The following KIAA1217 variants were observed in gnomAD, a reference collection of about 807,000 sequenced individuals.
KIAA1217 encodes the protein sickle tail protein homolog.
In KIAA1217, 88 loss-of-function variants were observed where a neutral mutation model predicts 163.9. That is an observed-to-expected ratio of 0.54 (90% confidence interval 0.45 to 0.64). KIAA1217 has a LOEUF of 0.64. Ranked by LOEUF, KIAA1217 falls within the 30% of genes least tolerant of loss-of-function variation. The pLI, the probability that KIAA1217 is intolerant of heterozygous loss-of-function variation, is 0.00. For missense variants in KIAA1217, 2,372 were observed against 2,475.0 expected (o/e 0.96, Z 0.88); for synonymous variants, 903 against 923.1 (o/e 0.98, Z 0.39).
At chr10:23,775,969 C>T (rs965544586) in intron 1 of KIAA1217, among the ~76,000 whole-genome samples, 1 of 152,102 alleles carries the variant, frequency 6.6e-6, no homozygotes, top group Admixed American at 6.5e-5. Flanking sequence ...ATCCCATAAA[C>T]GTATCAGATA....
intron 2 of KIAA1217, among the ~76,000 whole-genome samples, chr10:24,057,568 T>C (rs372230572): frequency 6.6e-6 from 1 of 152,234 alleles, no homozygotes; most frequent in African/African-American, 2.4e-5. Flanking sequence ...CATAATGTCC[T>C]CAAGTTTCAT....
intron 2 of KIAA1217, among the ~76,000 whole-genome samples, chr10:24,119,683 G>A (rs1589569644): frequency 6.6e-6 from 1 of 152,066 alleles, no homozygotes; most frequent in Non-Finnish European, 1.5e-5. Context: ...TCCCTTAGGG[G>A]CTCCTAACAT....
At chr10:23,851,857 G>A (rs1272210035) in intron 1 of KIAA1217, among the ~76,000 whole-genome samples, 2 of 151,420 alleles carry the variant, frequency 1.3e-5, no homozygotes, top group African/African-American at 2.4e-5. Context: ...TTTTGATGGG[G>A]TTGTTTGTTT....
chr10:23,877,790 C>A (rs1396505570), intron 1 of KIAA1217, among the ~76,000 whole-genome samples: 5 of 151,946 alleles, frequency 3.3e-5, no homozygotes, highest in African/African-American at 1.2e-4. Flanking sequence ...AGTTGGCTAG[C>A]ATCTGTTTTG....
intron 2 of KIAA1217, among the ~76,000 whole-genome samples, chr10:24,307,853 C>T (rs1192005899): frequency 2.0e-5 from 3 of 152,134 alleles, no homozygotes; most frequent in East Asian, 1.9e-4. Context: ...AGCAGGCATG[C>T]CATTCATTGT....
intron 3 of KIAA1217, among the ~76,000 whole-genome samples, chr10:24,393,926 C>G (rs1015988568): frequency 1.3e-5 from 2 of 152,190 alleles, no homozygotes; most frequent in Non-Finnish European, 2.9e-5. Flanking sequence ...CTTCTTTCGT[C>G]CTGTCTCCTT....
chr10:23,875,593 A>G (rs1840651499), intron 1 of KIAA1217, among the ~76,000 whole-genome samples: 3 of 152,058 alleles, frequency 2.0e-5, no homozygotes, highest in Non-Finnish European at 4.4e-5. Context: ...CAATCCCATT[A>G]CTGGGGATAT....
chr10:23,929,485 C>A, intron 1 of KIAA1217, among the ~76,000 whole-genome samples: 1 of 152,054 alleles, frequency 6.6e-6, no homozygotes, highest in Admixed American at 6.6e-5. Context: ...CTTTTGGAGT[C>A]CCCAGTGTTT....
chr10:23,726,269 G>A (rs1838126124), intron 1 of KIAA1217, among the ~76,000 whole-genome samples: 1 of 144,974 alleles, frequency 6.9e-6, no homozygotes, highest in Non-Finnish European at 1.5e-5. Flanking sequence ...TAATTTGTTT[G>A]TAAAAAGTAA....
chr10:24,143,211 T>C (rs1004222756), intron 2 of KIAA1217, among the ~76,000 whole-genome samples: 2 of 152,188 alleles, frequency 1.3e-5, no homozygotes, highest in Non-Finnish European at 1.5e-5. Flanking sequence ...AGAGACCCTC[T>C]GGACACCACA....
At chr10:23,940,460 C>CAAAA (rs760090400) in intron 1 of KIAA1217, among the ~76,000 whole-genome samples, 8 of 46,028 alleles carry the variant, frequency 1.7e-4, no homozygotes, top group Admixed American at 2.7e-4. Flanking sequence ...GACTCCGTCT[C>CAAAA]AAAAAAAAAA....
intron 2 of KIAA1217, among the ~76,000 whole-genome samples, chr10:24,107,154 C>T (rs1053500051): frequency 1.3e-5 from 2 of 152,162 alleles, no homozygotes; most frequent in African/African-American, 2.4e-5. Context: ...TCTGTTGCTG[C>T]GTTAATTCAC....
intron 2 of KIAA1217, among the ~76,000 whole-genome samples, chr10:24,130,007 T>C (rs2063595544): frequency 6.6e-6 from 1 of 152,128 alleles, no homozygotes; most frequent in Non-Finnish European, 1.5e-5. Context: ...TAATAAGACC[T>C]TCATCCTTAG....
chr10:24,294,187 CAAAAAAAAA>C (rs371110913), intron 2 of KIAA1217, among the ~76,000 whole-genome samples: 14 of 55,110 alleles, frequency 2.5e-4, no homozygotes, highest in African/African-American at 6.3e-4. Context: ...GACTCCGTCT[CAAAAAAAAA>C]AAAAAAAAAA....
intron 2 of KIAA1217, among the ~76,000 whole-genome samples, chr10:24,220,375 T>C (rs1250191002): frequency 6.6e-6 from 1 of 151,890 alleles, no homozygotes; most frequent in African/African-American, 2.4e-5. Context: ...GTAAAATAGA[T>C]CTTACAGATA....
intron 2 of KIAA1217, among the ~76,000 whole-genome samples, chr10:24,225,502 C>A (rs2070396386): frequency 6.6e-6 from 1 of 152,204 alleles, no homozygotes; most frequent in Non-Finnish European, 1.5e-5. Context: ...TATTACATTT[C>A]TGAAACTGGT....
intron 1 of KIAA1217, among the ~76,000 whole-genome samples, chr10:23,822,379 C>T (rs940320215): frequency 3.2e-4 from 49 of 152,254 alleles, no homozygotes; most frequent in African/African-American, 1.2e-3. Flanking sequence ...AAGACATAAA[C>T]TTTATTTTAA....
At chr10:24,402,457 C>G (rs1288899945) in intron 3 of KIAA1217, among the ~76,000 whole-genome samples, 1 of 147,170 alleles carries the variant, frequency 6.8e-6, no homozygotes, top group Non-Finnish European at 1.5e-5. Context: ...TGCAGTGAGC[C>G]GAGATCGCGC....
intron 2 of KIAA1217, among the ~76,000 whole-genome samples, chr10:24,104,400 A>G (rs902497098): frequency 3.3e-5 from 5 of 152,194 alleles, no homozygotes; most frequent in Non-Finnish European, 4.4e-5. Flanking sequence ...CTACTAAGAG[A>G]AACAAGCCGC....
Sources: allele counts gnomAD v4.1 joint callset (sites outside exome capture counted in the v4.1 genomes callset), GRCh38; gene constraint gnomAD v4.1.1; transcripts MANE v1.5; gene names NCBI Gene and HGNC (gene_info 2026-07-23, HGNC 2026-07-21).